The following GRIK1 variants were observed in gnomAD, a reference collection of about 807,000 sequenced individuals.
The protein encoded by GRIK1 is glutamate receptor ionotropic, kainate 1.
Under a neutral mutation model 105.7 loss-of-function variants are expected in GRIK1, and 69 were observed. The observed-to-expected ratio is 0.65, with a 90% CI of 0.54 to 0.80. GRIK1 has a LOEUF of 0.80. GRIK1 is among the 30% of genes least tolerant of loss of function. The probability of loss-of-function intolerance (pLI) is 0.00; values close to 1 mark genes in which losing one functional copy is unlikely to be tolerated. For synonymous variants in GRIK1, 438 were observed against 431.3 expected (o/e 1.02, Z -0.19); for missense variants, 1,109 against 1,167.3 (o/e 0.95, Z 0.73).
intron 1 of GRIK1, among the ~76,000 whole-genome samples, chr21:29,930,169 C>A (rs935555796): frequency 3.3e-5 from 5 of 152,104 alleles, no homozygotes; most frequent in African/African-American, 1.2e-4. Flanking sequence ...TTCCTAAGAA[C>A]AAAAGGAACA....
At chr21:29,752,508 A>G (rs1466585314) in intron 1 of GRIK1, among the ~76,000 whole-genome samples, 2 of 152,282 alleles carry the variant, frequency 1.3e-5, no homozygotes, top group South Asian at 2.1e-4. Context: ...AAGGAGCTTA[A>G]CAATATTGTA....
chr21:29,910,812 A>C (rs2070788840), intron 1 of GRIK1, among the ~76,000 whole-genome samples: 1 of 152,018 alleles, frequency 6.6e-6, no homozygotes, highest in South Asian at 2.1e-4. Context: ...GGTCATGGCT[A>C]CAGTGTAATA....
At chr21:29,755,044 A>C (rs2065301017) in intron 1 of GRIK1, among the ~76,000 whole-genome samples, 1 of 152,240 alleles carries the variant, frequency 6.6e-6, no homozygotes, top group East Asian at 1.9e-4. Context: ...ACAAGTAAGA[A>C]TCTTAAAATG....
chr21:29,876,854 C>G (rs1336433611), intron 1 of GRIK1, among the ~76,000 whole-genome samples: 1 of 152,110 alleles, frequency 6.6e-6, no homozygotes, highest in Non-Finnish European at 1.5e-5. Flanking sequence ...GGTTCATCAG[C>G]TATGCTTCCT....
intron 3 of GRIK1, among the ~76,000 whole-genome samples, chr21:29,682,026 A>G (rs551658210): frequency 6.6e-5 from 10 of 152,332 alleles, no homozygotes; most frequent in Middle Eastern, 3.4e-3. Flanking sequence ...GGACCTGCCT[A>G]TGACAGGGTT....
rs1396115224 is a variant in GRIK1, at chr21:29,537,200, C to T, written c.*30G>A. On this transcript the variant is annotated 3_prime_UTR_variant, in exon 18 of 18. Coordinates refer to ENST00000327783, the MANE Select transcript of GRIK1 (RefSeq NM_001330994.2). ...CTCCAAAAATCTGTAGGGAATGCAT[C>T]CTTTTTCTTCCTACAGGCGTTTCCT... 6.5e-7 allele frequency: 1 copy of T among 1,526,766 alleles called. No individual in the cohort carries two copies. The highest frequency in any genetic ancestry group is 8.8e-7 in the Non-Finnish European group (1 of 1,135,848). 94.6% of individuals were successfully genotyped at this position (1,526,766 alleles called of 1,614,324 possible).
At chr21:29,707,136 T>C (rs1432182151) in intron 1 of GRIK1, among the ~76,000 whole-genome samples, 1 of 151,808 alleles carries the variant, frequency 6.6e-6, no homozygotes, top group African/African-American at 2.4e-5. Context: ...AGTGCTGGGA[T>C]TACAGGCGTG....
chr21:29,549,045 T>C (rs554524394), intron 16 of GRIK1, among the ~76,000 whole-genome samples: 1 of 152,344 alleles, frequency 6.6e-6, no homozygotes, highest in South Asian at 2.1e-4. Context: ...TGTTTATTGA[T>C]TTATAGAGAT....
chr21:29,653,440 G>A (rs1422189539), intron 5 of GRIK1, among the ~76,000 whole-genome samples: 1 of 152,202 alleles, frequency 6.6e-6, no homozygotes. Flanking sequence ...TAGGGGTGAA[G>A]AGGAATAAAA....
chr21:29,537,992 TGTG>T (rs2089909418), intron 16 of GRIK1, 108 bp from the exon 17 acceptor site: 8 of 635,696 alleles, frequency 1.3e-5, no homozygotes, highest in African/African-American at 9.2e-5. Context: ...TGAAAAATAA[TGTG>T]GTACTGAACT....
chr21:29,810,816 C>T (rs981121808), intron 1 of GRIK1, among the ~76,000 whole-genome samples: 23 of 152,070 alleles, frequency 1.5e-4, no homozygotes, highest in Non-Finnish European at 1.2e-4. Flanking sequence ...GTTCATCAAG[C>T]ATCTATTTTC....
chr21:29,766,230 A>G (rs992272485), intron 1 of GRIK1, among the ~76,000 whole-genome samples: 4 of 152,136 alleles, frequency 2.6e-5, no homozygotes, highest in African/African-American at 7.2e-5. Context: ...AATCCTTCCA[A>G]GCATGATGTT....
intron 1 of GRIK1, among the ~76,000 whole-genome samples, chr21:29,735,203 G>A (rs2146914334): frequency 1.3e-5 from 2 of 152,280 alleles, no homozygotes; most frequent in South Asian, 4.1e-4. Flanking sequence ...ATCTGACATA[G>A]ATAACTGATA....
Position 29,752,738 on chromosome 21 carries a change from G to A in GRIK1, c.119-58675C>T, listed in dbSNP as rs190625531. 3.9e-3 allele frequency among the ~76,000 whole-genome samples: 595 copies of A among 152,320 alleles called. 5 individuals carry two copies. The highest frequency in any genetic ancestry group is 7.3e-3 in the Non-Finnish European group (494 of 68,028). Reference sequence around the variant, plus strand: ...TGTAGTGCCAACTTCTTGGGAGGCCGAGGCAGGAAGATTCCTTGAGCCCAG... The same window carrying A: ...TGTAGTGCCAACTTCTTGGGAGGCCAAGGCAGGAAGATTCCTTGAGCCCAG... On this transcript the variant is annotated intron_variant, in intron 1 of 17. Transcript: ENST00000327783.
intron 14 of GRIK1, among the ~76,000 whole-genome samples, chr21:29,573,142 A>G (rs1460790017): frequency 6.6e-6 from 1 of 152,096 alleles, no homozygotes; most frequent in Admixed American, 6.5e-5. Flanking sequence ...GCGTACTGCT[A>G]TTTTTATTGA....
intron 1 of GRIK1, among the ~76,000 whole-genome samples, chr21:29,864,705 C>T (rs573955521): frequency 2.0e-5 from 3 of 151,876 alleles, no homozygotes; most frequent in Non-Finnish European, 4.4e-5. Context: ...GTTCATTATG[C>T]ACTTTGTCTT....
chr21:29,763,263 C>G (rs1375326864), intron 1 of GRIK1, among the ~76,000 whole-genome samples: 1 of 152,154 alleles, frequency 6.6e-6, no homozygotes, highest in African/African-American at 2.4e-5. Flanking sequence ...TTCCTGCTCC[C>G]CTGTGAAGAA....
intron 1 of GRIK1, among the ~76,000 whole-genome samples, chr21:29,841,212 G>C (rs747697781): frequency 1.3e-5 from 2 of 152,070 alleles, no homozygotes; most frequent in African/African-American, 4.8e-5. Flanking sequence ...CTTTCCCACT[G>C]TCAATAGAAA....
chr21:29,921,361 A>G (rs906523121), intron 1 of GRIK1, among the ~76,000 whole-genome samples: 1 of 152,192 alleles, frequency 6.6e-6, no homozygotes, highest in African/African-American at 2.4e-5. Context: ...CCAGTTCAGC[A>G]TGTTAGTCCT....
Sources: gnomAD v4.1 joint callset for allele counts (sites outside exome capture counted in the v4.1 genomes callset) on GRCh38, gnomAD v4.1.1 for gene constraint, MANE v1.5 for transcripts, NCBI Gene and HGNC (gene_info 2026-07-23, HGNC 2026-07-21) for gene names.